Variants in ELMOD1 observed in about 807,000 individuals in gnomAD.
The protein encoded by ELMOD1 is ELMO domain-containing protein 1.
Under a neutral mutation model 46.7 loss-of-function variants are expected in ELMOD1, and 21 were observed. The observed-to-expected ratio is 0.45, with a 90% CI of 0.32 to 0.65. ELMOD1 has a LOEUF of 0.65. Among genes scored for constraint, ELMOD1 ranks in the 30% least tolerant of loss-of-function variants. The pLI is 0.04. For synonymous variants in ELMOD1, 122 were observed against 138.2 expected (o/e 0.88, Z 0.82); for missense variants, 348 against 407.8 (o/e 0.85, Z 1.26).
chr11:107,661,841 G>A (rs376731444), intron 11 of ELMOD1, among the ~76,000 whole-genome samples: 9 of 152,248 alleles, frequency 5.9e-5, no homozygotes, highest in African/African-American at 2.2e-4. Flanking sequence ...TATTTTAGAA[G>A]TTTGCCCAGT....
rs541812274 is a variant in ELMOD1, at chr11:107,603,911, A to C, written c.-86+12502A>C. Reference sequence around the variant, plus strand: ...AAAAGGAATTAAAGATTAAAAAAAAACAGTGTTAAATACATCAGCAATGTT... The same window carrying C: ...AAAAGGAATTAAAGATTAAAAAAAACCAGTGTTAAATACATCAGCAATGTT... On this transcript the variant is annotated intron_variant, in intron 1 of 11. Coordinates refer to ENST00000265840, the MANE Select transcript of ELMOD1 (RefSeq NM_018712.4). Among the ~76,000 whole-genome samples the C allele has an allele frequency of 2.6e-5, 4 of 152,240 alleles. No homozygotes were observed. The South Asian group carries it at 6.2e-4, about 24-fold the overall frequency.
intron 7 of ELMOD1, among the ~76,000 whole-genome samples, chr11:107,647,968 G>C (rs1464441683): frequency 6.6e-6 from 1 of 151,970 alleles, no homozygotes; most frequent in Non-Finnish European, 1.5e-5. Context: ...TGGCAGAAGG[G>C]TGTTAATGAA....
intron 1 of ELMOD1, chr11:107,600,424 G>A (rs964922603): frequency 9.9e-5 from 15 of 152,080 alleles, no homozygotes; most frequent in Admixed American, 2.0e-4. Flanking sequence ...TATGAAATGT[G>A]TATGATGCTA....
chr11:107,595,901 C>CAATG (rs1414313040), intron 1 of ELMOD1, among the ~76,000 whole-genome samples: 1 of 151,960 alleles, frequency 6.6e-6, no homozygotes, highest in Non-Finnish European at 1.5e-5. Context: ...ATGATTTGTA[C>CAATG]AATGTCTGGG....
chr11:107,625,685 T>A (rs1866029608), intron 2 of ELMOD1, among the ~76,000 whole-genome samples: 1 of 152,174 alleles, frequency 6.6e-6, no homozygotes, highest in African/African-American at 2.4e-5. Flanking sequence ...TATGATCCAT[T>A]TCGAATAATT....
chr11:107,602,701 ATTG>A (rs1865621180), intron 1 of ELMOD1, among the ~76,000 whole-genome samples: 1 of 145,694 alleles, frequency 6.9e-6, no homozygotes, highest in Admixed American at 6.9e-5. Context: ...TTGTCTTTGC[ATTG>A]TTTCTTGTTC....
At chr11:107,654,335 C>T in intron 10 of ELMOD1, 113 bp downstream of exon 10, 1 of 913,730 alleles carries the variant, frequency 1.1e-6, no homozygotes, top group Non-Finnish European at 1.7e-6. Flanking sequence ...TAGAAATATA[C>T]AATCTGGTTA....
At chr11:107,595,399 A>G (rs967778437) in intron 1 of ELMOD1, among the ~76,000 whole-genome samples, 1 of 152,160 alleles carries the variant, frequency 6.6e-6, no homozygotes, top group Non-Finnish European at 1.5e-5. Flanking sequence ...TGCCAAACAC[A>G]TTCTGCCTTA....
chr11:107,630,784 A>T, intron 4 of ELMOD1, 56 bp downstream of exon 4: 2 of 1,533,096 alleles, frequency 1.3e-6, no homozygotes, highest in East Asian at 2.4e-5. Flanking sequence ...TACCTTTATC[A>T]TAAGAAGTAA....
chr11:107,614,175 A>G (rs377426486), intron 1 of ELMOD1, among the ~76,000 whole-genome samples: 4 of 152,028 alleles, frequency 2.6e-5, no homozygotes, highest in Non-Finnish European at 4.4e-5. Context: ...CCTTCTAACT[A>G]TCTCTCATAT....
chr11:107,604,016 A>G (rs1865647378), intron 1 of ELMOD1, among the ~76,000 whole-genome samples: 1 of 152,216 alleles, frequency 6.6e-6, no homozygotes, highest in African/African-American at 2.4e-5. Flanking sequence ...GCAGCTTTGC[A>G]TGCGTTAGAA....
chr11:107,654,343 T>C, intron 10 of ELMOD1, 121 bp downstream of exon 10: 1 of 835,946 alleles, frequency 1.2e-6, no homozygotes, highest in Non-Finnish European at 1.9e-6. Flanking sequence ...TACAATCTGG[T>C]TAAAATGTTT....
At chr11:107,659,132 G>T (rs1591140089) in intron 11 of ELMOD1, among the ~76,000 whole-genome samples, 1 of 152,118 alleles carries the variant, frequency 6.6e-6, no homozygotes. Context: ...TAGAGCATAG[G>T]GTTTGCCGGG....
chr11:107,594,270 A>C (rs1439932937), intron 1 of ELMOD1, among the ~76,000 whole-genome samples: 1 of 148,982 alleles, frequency 6.7e-6, no homozygotes, highest in African/African-American at 2.5e-5. Context: ...CCTGGGCGAA[A>C]ATGAGAAAAA....
chr11:107,642,071 G>A (rs1165599383), intron 6 of ELMOD1, among the ~76,000 whole-genome samples: 1 of 150,206 alleles, frequency 6.7e-6, no homozygotes, highest in African/African-American at 2.5e-5. Context: ...AGCCTCCCAA[G>A]TAGCTGGGAT....
At chr11:107,605,945 TCTC>T (rs1490653122) in intron 1 of ELMOD1, among the ~76,000 whole-genome samples, 2 of 152,242 alleles carry the variant, frequency 1.3e-5, no homozygotes, top group Admixed American at 6.5e-5. Flanking sequence ...CGCTTCTTTC[TCTC>T]CTCATGTGCA....
At chr11:107,596,183 T>C (rs950641527) in intron 1 of ELMOD1, among the ~76,000 whole-genome samples, 3 of 152,080 alleles carry the variant, frequency 2.0e-5, no homozygotes, top group Non-Finnish European at 4.4e-5. Flanking sequence ...CTCCTTTCTA[T>C]TTTTTATTTT....
chr11:107,626,433 A>G (rs1189240544), intron 2 of ELMOD1, among the ~76,000 whole-genome samples: 1 of 151,604 alleles, frequency 6.6e-6, no homozygotes, highest in Admixed American at 6.6e-5. Flanking sequence ...GAAAGGGTAC[A>G]ATGAATCCCA....
At chr11:107,618,644 T>A (rs1865899502) in intron 2 of ELMOD1, among the ~76,000 whole-genome samples, 1 of 152,214 alleles carries the variant, frequency 6.6e-6, no homozygotes, top group East Asian at 1.9e-4. Context: ...ATTTTAAAAT[T>A]TTGTGGGCGG....
Sources: gnomAD v4.1 joint callset for allele counts (sites outside exome capture counted in the v4.1 genomes callset) on GRCh38, gnomAD v4.1.1 for gene constraint, MANE v1.5 for transcripts, NCBI Gene and HGNC (gene_info 2026-07-23, HGNC 2026-07-21) for gene names.